Variants in MARCHF6 observed in about 807,000 individuals in gnomAD.
MARCHF6 encodes E3 ubiquitin-protein ligase MARCHF6.
Under a neutral mutation model 133.7 loss-of-function variants are expected in MARCHF6, and 31 were observed. The ratio of observed to expected loss-of-function variants is 0.23; its 90% CI spans 0.17 to 0.31. The LOEUF is 0.31. Ranked by LOEUF, MARCHF6 falls within the 10% of genes least tolerant of loss-of-function variation. The pLI is 1.00. For synonymous variants in MARCHF6, 395 were observed against 402.5 expected, an observed-to-expected ratio of 0.98 and a Z score of 0.22; for missense variants, 723 against 1,121.6, an observed-to-expected ratio of 0.64 and a Z score of 5.08.
At chr5:10,387,515 C>G (rs2126720100) in intron 5 of MARCHF6, among the ~76,000 whole-genome samples, 1 of 152,202 alleles carries the variant, frequency 6.6e-6, no homozygotes, top group African/African-American at 2.4e-5. Context: ...GTTGGTCACT[C>G]TGGTCTCGAA....
chr5:10,375,526 A>G (rs1026942112), intron 1 of MARCHF6, among the ~76,000 whole-genome samples: 3 of 152,228 alleles, frequency 2.0e-5, no homozygotes, highest in Non-Finnish European at 4.4e-5. Context: ...CGACCACCCA[A>G]GGGCTGAGGA....
intron 23 of MARCHF6, among the ~76,000 whole-genome samples, chr5:10,425,229 G>T (rs1264653268): frequency 6.6e-6 from 1 of 152,188 alleles, no homozygotes; most frequent in African/African-American, 2.4e-5. Context: ...GTGTGTTTGT[G>T]TGTGTCTCTA....
At chr5:10,356,343 A>ATTTTATTTTAT (rs544284130) in intron 1 of MARCHF6, among the ~76,000 whole-genome samples, 1 of 101,448 alleles carries the variant, frequency 9.9e-6, no homozygotes, top group African/African-American at 3.9e-5. Context: ...TCTGTTTTTT[A>ATTTTATTTTAT]TTTATTTTAT....
At chr5:10,426,979 G>C (rs139328713) in intron 24 of MARCHF6, among the ~76,000 whole-genome samples, 1 of 152,178 alleles carries the variant, frequency 6.6e-6, no homozygotes, top group African/African-American at 2.4e-5. Flanking sequence ...ACTCCTCATA[G>C]CTCCTTAAAC....
Position 10,405,593 on chromosome 5 carries a change from T to A in MARCHF6, c.1368T>A (p.Asn456Lys). The A allele has an allele frequency of 6.2e-7, 1 of 1,610,158 alleles. No individual in the cohort carries two copies. Among genetic ancestry groups the A allele is most frequent in the South Asian group, 1.1e-5 (1 of 89,866 alleles). ...LRPGVLWFLRNLNDPDFNPVQ... is the reference protein window; with the variant it reads ...LRPGVLWFLRKLNDPDFNPVQ... The stretch of plus-strand genomic sequence containing the variant: ...CTGGTGTCCTGTGGTTTCTAAGGAA[T>A]TTGAATGATCCAGATTTCAATCCAG... The change falls in exon 16 of 26, where the codon AAT (asparagine) becomes AAA (lysine). Residue 456 changes from asparagine (N) to lysine (K), a missense_variant. Physicochemically the swap from Asn to Lys is moderately conservative, Grantham distance 94 (BLOSUM62 0). This residue lies in a region of MARCHF6 where 492 missense variants were observed against 699.5 expected (regional missense o/e 0.70). Transcript: ENST00000274140.
chr5:10,370,102 T>TTG (rs1271143826), intron 1 of MARCHF6, among the ~76,000 whole-genome samples: 2 of 139,624 alleles, frequency 1.4e-5, no homozygotes, highest in African/African-American at 2.7e-5. Context: ...ATTTTTTTTT[T>TTG]TTTTTTTTTT....
intron 20 of MARCHF6, 110 bp downstream of exon 20, chr5:10,414,612 AG>A: frequency 1.3e-6 from 1 of 791,616 alleles, no homozygotes; most frequent in Non-Finnish European, 2.1e-6. Context: ...GTATGATCAT[AG>A]CTTACTGCAG....
At chr5:10,432,694 C>T (rs2126380471) in intron 25 of MARCHF6, among the ~76,000 whole-genome samples, 1 of 152,342 alleles carries the variant, frequency 6.6e-6, no homozygotes, top group East Asian at 1.9e-4. Flanking sequence ...AGCCCTGTGG[C>T]CTTTGCCATT....
rs1328985742 is a variant in MARCHF6 at position 10,436,430 on chromosome 5, A to G, written c.*2746A>G. Reference sequence around the variant, plus strand: ...TAACCAAGAGCCTTTTAAATATTGAAAACCCATAGTTCAGAAAATGTTAGT... The same window carrying G: ...TAACCAAGAGCCTTTTAAATATTGAGAACCCATAGTTCAGAAAATGTTAGT... On this transcript the variant is annotated 3_prime_UTR_variant, in exon 26 of 26. Coordinates refer to ENST00000274140, the MANE Select transcript of MARCHF6 (RefSeq NM_005885.4). 6.6e-6 allele frequency: 1 copy of G among 152,200 alleles called. No homozygotes were observed. The highest frequency in any genetic ancestry group is 1.5e-5 in the Non-Finnish European group (1 of 68,032). The allele number at this position is 152,200 out of a possible 1,614,324, so 9.4% of individuals were successfully genotyped here.
chr5:10,369,428 ATTTG>A (rs772520588), intron 1 of MARCHF6, among the ~76,000 whole-genome samples: 111 of 152,204 alleles, frequency 7.3e-4, no homozygotes, highest in Admixed American at 2.2e-3. Flanking sequence ...CTTCTTTCTT[ATTTG>A]TTCTTTCTTC....
At chr5:10,419,979 A>G (rs1396055757) in intron 22 of MARCHF6, among the ~76,000 whole-genome samples, 1 of 152,210 alleles carries the variant, frequency 6.6e-6, no homozygotes, top group Admixed American at 6.5e-5. Context: ...GGAAACACAC[A>G]ACTAGTGGAG....
At chr5:10,407,775 G>A (rs558498616) in intron 17 of MARCHF6, among the ~76,000 whole-genome samples, 2 of 152,290 alleles carry the variant, frequency 1.3e-5, no homozygotes, top group African/African-American at 2.4e-5. Context: ...CCAACATGGA[G>A]AAACCCTGTC....
In MARCHF6 at chr5:10,401,000, G is replaced by C; in HGVS notation, c.972+158G>C. 5.0e-6 allele frequency: 3 copies of C among 597,672 alleles called. 1 individual carries two copies. The East Asian group carries it at 8.7e-5, about 17-fold the overall frequency. 37.0% of individuals were successfully genotyped at this position (597,672 alleles called of 1,614,324 possible). A position where few individuals can be genotyped will look rare whatever the true frequency, so the allele number is the denominator to read the frequency against. ...TCATTCTTTTTTAAAAAAAATAACA[G>C]TGGCTCAAGAGATAGTGGTCATGTT... On this transcript the variant is annotated intron_variant, in intron 11 of 25. Coordinates refer to ENST00000274140, the MANE Select transcript of MARCHF6 (RefSeq NM_005885.4).
chr5:10,356,005 G>C (rs922490203), intron 1 of MARCHF6, among the ~76,000 whole-genome samples: 3 of 151,928 alleles, frequency 2.0e-5, no homozygotes, highest in Non-Finnish European at 4.4e-5. Context: ...TTTTAGTGCC[G>C]TATTCTCATG....
At chr5:10,429,848 T>C (rs746301772) in intron 24 of MARCHF6, 45 bp from the exon 25 acceptor site, 1 of 1,556,184 alleles carries the variant, frequency 6.4e-7, no homozygotes, top group Non-Finnish European at 8.8e-7. Context: ...TTCATGTCAC[T>C]GTTATTTCAC....
chr5:10,355,045 A>G (rs573006337), intron 1 of MARCHF6, among the ~76,000 whole-genome samples: 2 of 152,302 alleles, frequency 1.3e-5, no homozygotes, highest in South Asian at 4.1e-4. Context: ...TGGAATAGGT[A>G]GGTATTATCT....
At chr5:10,389,982 GT>G (rs569387432) in intron 5 of MARCHF6, among the ~76,000 whole-genome samples, 225 of 152,304 alleles carry the variant, frequency 1.5e-3, no homozygotes, top group African/African-American at 5.2e-3. Context: ...TTTGTCAAGT[GT>G]TAGACTGCTT....
intron 9 of MARCHF6, among the ~76,000 whole-genome samples, chr5:10,395,386 A>G (rs926512151): frequency 2.0e-5 from 3 of 152,196 alleles, no homozygotes; most frequent in African/African-American, 7.2e-5. Flanking sequence ...TATTGCCTGT[A>G]CTGGTGGAAG....
chr5:10,379,461 T>C (rs1303783456), intron 3 of MARCHF6, among the ~76,000 whole-genome samples: 1 of 6,302 alleles, frequency 1.6e-4, no homozygotes, highest in Admixed American at 6.8e-4. Context: ...AAGATAAAGC[T>C]TTTTTTTTTT....
Sources: gnomAD v4.1 joint callset for allele counts (sites outside exome capture counted in the v4.1 genomes callset) on GRCh38, gnomAD v4.1.1 for gene constraint, gnomAD v4.1.1 regional missense constraint, MANE v1.5 for transcripts, NCBI Gene and HGNC (gene_info 2026-07-23, HGNC 2026-07-21) for gene names.